GRIN3A: variants seen among roughly 807,000 people sequenced by gnomAD.
GRIN3A encodes the protein glutamate ionotropic receptor NMDA type subunit 3A, also known as glutamate receptor ionotropic, NMDA 3A.
In GRIN3A, 47 loss-of-function variants were observed where a neutral mutation model predicts 92.4. The observed-to-expected ratio is 0.51, with a 90% CI of 0.40 to 0.65. The LOEUF (loss-of-function observed/expected upper bound fraction) is 0.65. Ranked by LOEUF, GRIN3A falls within the 30% of genes least tolerant of loss-of-function variation. GRIN3A has a pLI of 0.00. For synonymous variants in GRIN3A, 527 were observed against 540.6 expected, an observed-to-expected ratio of 0.97 and a Z score of 0.35; for missense variants, 1,324 against 1,393.1, an observed-to-expected ratio of 0.95 and a Z score of 0.79.
chr9:101,616,485 G>A (rs58492917), intron 5 of GRIN3A, among the ~76,000 whole-genome samples: 18,294 of 151,740 alleles, frequency 0.12, 1,958 homozygotes, highest in African/African-American at 0.29. Flanking sequence ...TGCTTTTGAC[G>A]TTGTCATCAT....
intron 6 of GRIN3A, among the ~76,000 whole-genome samples, chr9:101,602,172 C>T (rs1264486288): frequency 1.3e-5 from 2 of 152,128 alleles, no homozygotes; most frequent in African/African-American, 4.8e-5. Context: ...TCCAACACGT[C>T]CTGAAATTCT....
In GRIN3A at chr9:101,678,497, T is replaced by TA. The variant is rs1588279059; in HGVS notation, c.1305-7391dup. 3.3e-5 allele frequency among the ~76,000 whole-genome samples: 5 copies of TA among 152,264 alleles called. No individual in the cohort carries two copies. In the East Asian group the frequency reaches 9.7e-4, roughly 29 times the overall value. ...AAAATTGCATACAAGGCTCATCTTT[T>TA]AAAAAATATTTCTATCAGTTAATGG... On this transcript the variant is annotated intron_variant, in intron 2 of 8. Transcript: ENST00000361820.
At position 101,737,443 on chromosome 9, in the gene GRIN3A, GGA is replaced by G. The variant is rs764252950; in HGVS notation, c.535_536del (p.Ser179LeufsTer70). 2 of 1,614,270 alleles carry G rather than the reference GGA, an allele frequency of 1.2e-6. No individual in the cohort carries two copies. The highest frequency in any genetic ancestry group is 1.7e-6 in the Non-Finnish European group (2 of 1,180,048). ...PSSPWSSDPF[S>X]FLQSVCHTVV... is the part of the protein sequence containing the mutation. Reference sequence around the variant, plus strand: ...CGGTATGGCACACACTTTGCAGGAAGGAGAAAGGGTCACTGCTCCATGGCGAA... The same window carrying G: ...CGGTATGGCACACACTTTGCAGGAAGGAAAGGGTCACTGCTCCATGGCGAA... On this transcript the variant is annotated frameshift_variant, in exon 1 of 9. Coordinates refer to ENST00000361820, the MANE Select transcript of GRIN3A (RefSeq NM_133445.3). LOFTEE classifies it high-confidence loss of function.
At chr9:101,650,823 A>G (rs77593221) in intron 3 of GRIN3A, among the ~76,000 whole-genome samples, 10,863 of 151,750 alleles carry the variant, frequency 0.072, 523 homozygotes, top group East Asian at 0.22. Context: ...CCACCCCCCC[A>G]CACACATTTT....
chr9:101,594,779 T>G lies in GRIN3A; in HGVS notation c.2767-15419A>C, dbSNP rs1325683448. The G allele has an allele frequency of 1.2e-6, 2 of 1,613,888 alleles. No individual in the cohort carries two copies. The highest frequency in any genetic ancestry group is 1.7e-6 in the Non-Finnish European group (2 of 1,180,036). Reference sequence around the variant, plus strand: ...CCGCACCAACGGGTTGTGGCGCAGCTCCGGCAGGGACATGAACTCCTCCAC... The same window carrying G: ...CCGCACCAACGGGTTGTGGCGCAGCGCCGGCAGGGACATGAACTCCTCCAC... On this transcript the variant is annotated intron_variant, in intron 6 of 8. Transcript: ENST00000361820.
chr9:101,586,293 G>T (rs1270969892), intron 6 of GRIN3A, among the ~76,000 whole-genome samples: 1 of 152,170 alleles, frequency 6.6e-6, no homozygotes, highest in South Asian at 2.1e-4. Context: ...CAGGAGGGCA[G>T]CACTTTTGTC....
intron 3 of GRIN3A, among the ~76,000 whole-genome samples, chr9:101,662,048 AC>A (rs1829178497): frequency 6.6e-6 from 1 of 151,826 alleles, no homozygotes; most frequent in Non-Finnish European, 1.5e-5. Flanking sequence ...ACTTATATAT[AC>A]CTTGCTATCT....
intron 1 of GRIN3A, among the ~76,000 whole-genome samples, chr9:101,695,515 G>A (rs1414374299): frequency 6.6e-6 from 1 of 152,042 alleles, no homozygotes; most frequent in South Asian, 2.1e-4. Flanking sequence ...CTACATTTTA[G>A]ACTAGCCCTG....
chr9:101,595,083 C>T (rs962286730), intron 6 of GRIN3A: 4 of 646,464 alleles, frequency 6.2e-6, no homozygotes, highest in South Asian at 4.7e-5. Context: ...GAGGGAGGGG[C>T]GGCAGGTCAG....
rs898383353 is a variant in GRIN3A at position 101,737,648 on chromosome 9, C to T, written c.332G>A (p.Arg111His). 16 of 1,606,412 alleles carry T rather than the reference C, an allele frequency of 1.0e-5. No individual in the cohort carries two copies. The highest frequency in any genetic ancestry group is 1.3e-5 in the Non-Finnish European group (15 of 1,177,972). The change falls in exon 1 of 9, where the codon CGT becomes CAT. Residue 111 changes from arginine (R) to histidine (H), a missense_variant. Physicochemically the swap from Arg to His is conservative, Grantham distance 29. Transcript: ENST00000361820. Reference protein sequence around the residue: ...TLHGRGPPGSRKPGEGARAEA... With the variant: ...TLHGRGPPGSHKPGEGARAEA... Reference sequence around the variant, plus strand: ...CGCCCTGGCGCCCTCCCCGGGCTTACGGGAGCCCGGCGGCCCCCGGCCATG... The same window carrying T: ...CGCCCTGGCGCCCTCCCCGGGCTTATGGGAGCCCGGCGGCCCCCGGCCATG...
chr9:101,669,754 A>C (rs188738843), intron 3 of GRIN3A, among the ~76,000 whole-genome samples: 1 of 132,994 alleles, frequency 7.5e-6, no homozygotes, highest in Non-Finnish European at 1.8e-5. Flanking sequence ...CCATTCCCTG[A>C]TAGGTGTGCT....
chr9:101,633,521 G>A (rs1242992135), intron 3 of GRIN3A, among the ~76,000 whole-genome samples: 1 of 152,164 alleles, frequency 6.6e-6, no homozygotes, highest in African/African-American at 2.4e-5. Context: ...CCATGGACAG[G>A]TAATGGTCCG....
At chr9:101,693,321 G>A in intron 1 of GRIN3A, among the ~76,000 whole-genome samples, 1 of 151,252 alleles carries the variant, frequency 6.6e-6, no homozygotes, top group East Asian at 1.9e-4. Context: ...TCAGGAAACT[G>A]AGGAACGAGA....
intron 1 of GRIN3A, among the ~76,000 whole-genome samples, chr9:101,731,624 T>C (rs948482483): frequency 6.6e-6 from 1 of 152,174 alleles, no homozygotes; most frequent in African/African-American, 2.4e-5. Context: ...AGTTTACTCC[T>C]CATGACATAA....
At chr9:101,673,381 C>A (rs953802564) in intron 2 of GRIN3A, among the ~76,000 whole-genome samples, 1 of 152,034 alleles carries the variant, frequency 6.6e-6, no homozygotes, top group African/African-American at 2.4e-5. Flanking sequence ...CCAAAGAAGG[C>A]AAATCAATAG....
At chr9:101,579,007 A>T (rs892751847) in intron 7 of GRIN3A, among the ~76,000 whole-genome samples, 189 bp downstream of exon 7, 4 of 152,196 alleles carry the variant, frequency 2.6e-5, no homozygotes, top group African/African-American at 9.6e-5. Flanking sequence ...GCACTGTGGG[A>T]TGCCTTAATT....
chr9:101,676,431 T>C (rs1829396337), intron 2 of GRIN3A, among the ~76,000 whole-genome samples: 1 of 152,034 alleles, frequency 6.6e-6, no homozygotes, highest in African/African-American at 2.4e-5. Flanking sequence ...ATTAAACATA[T>C]CAATATCCTC....
intron 3 of GRIN3A, among the ~76,000 whole-genome samples, chr9:101,664,695 C>G (rs1829216377): frequency 1.3e-5 from 2 of 151,964 alleles, no homozygotes; most frequent in African/African-American, 2.4e-5. Context: ...TGCGCAGGCT[C>G]TTGCTTTTAA....
intron 1 of GRIN3A, among the ~76,000 whole-genome samples, chr9:101,731,730 A>G (rs1830141259): frequency 6.6e-6 from 1 of 152,256 alleles, no homozygotes; most frequent in Admixed American, 6.5e-5. Flanking sequence ...ACACAATTAA[A>G]TAAAATATCT....
Sources: gnomAD v4.1 joint callset for allele counts (sites outside exome capture counted in the v4.1 genomes callset) on GRCh38, gnomAD v4.1.1 for gene constraint, MANE v1.5 for transcripts, NCBI Gene and HGNC (gene_info 2026-07-23, HGNC 2026-07-21) for gene names.